Variants in CDC42BPB observed in about 807,000 individuals in gnomAD.
The protein encoded by CDC42BPB is serine/threonine-protein kinase MRCK beta.
In CDC42BPB, 37 loss-of-function variants were observed where a neutral mutation model predicts 214.9. The ratio of observed to expected loss-of-function variants is 0.17; its 90% confidence interval spans 0.13 to 0.23. CDC42BPB has a LOEUF of 0.23. CDC42BPB is among the 10% of genes least tolerant of loss of function. CDC42BPB has a pLI of 1.00. For missense variants in CDC42BPB, 1,694 were observed against 2,227.0 expected, an observed-to-expected ratio of 0.76 and a Z score of 4.82; for synonymous variants, 931 against 884.0, an observed-to-expected ratio of 1.05 and a Z score of -0.94.
At chr14:103,036,613 A>T (rs1458192439) in intron 1 of CDC42BPB, among the ~76,000 whole-genome samples, 5 of 152,044 alleles carry the variant, frequency 3.3e-5, no homozygotes, top group South Asian at 2.1e-4. Flanking sequence ...AAAAAATAAT[A>T]AAAAAAATGA....
intron 20 of CDC42BPB, among the ~76,000 whole-genome samples, chr14:102,960,090 C>T (rs1251216062): frequency 6.6e-6 from 1 of 151,926 alleles, no homozygotes; most frequent in Admixed American, 6.6e-5. Context: ...GCCTGAAATC[C>T]CAGCTACTCG....
chr14:102,938,877 T>C (rs1011078313), intron 34 of CDC42BPB, among the ~76,000 whole-genome samples: 3 of 151,774 alleles, frequency 2.0e-5, no homozygotes, highest in Non-Finnish European at 4.4e-5. Context: ...ATCCACTCAC[T>C]GTGGCCTCCC....
At chr14:102,985,568 C>T (rs1464140000) in intron 6 of CDC42BPB, among the ~76,000 whole-genome samples, 1 of 152,226 alleles carries the variant, frequency 6.6e-6, no homozygotes, top group African/African-American at 2.4e-5. Context: ...CTATTAAAAA[C>T]AAGAGACTGG....
intron 5 of CDC42BPB, among the ~76,000 whole-genome samples, chr14:102,990,564 T>C (rs779208236): frequency 2.2e-4 from 33 of 152,142 alleles, no homozygotes; most frequent in Non-Finnish European, 4.0e-4. Flanking sequence ...GACGTGTGTG[T>C]CCATGAGTGT....
chr14:103,056,772 G>A (rs1030058082), intron 1 of CDC42BPB, among the ~76,000 whole-genome samples: 4 of 152,278 alleles, frequency 2.6e-5, no homozygotes, highest in East Asian at 1.9e-4. Context: ...GGGAGGGCAA[G>A]GAGGGATGAA....
rs771034761 is a variant in CDC42BPB at position 102,976,011 on chromosome 14, T to C, written c.1259A>G (p.Gln420Arg). ...CTCATCTTTGGTTAATGTGTTGGAC[T>C]GCATTATGCTCTTCAGAGAGCCTCG... ...SDRGSLKSIM[Q>R]SNTLTKDEDV... is the part of the protein sequence containing the mutation. Residue 420 changes from glutamine to arginine, a missense_variant, in exon 10 of 37, where the codon CAG becomes CGG. Gln to Arg is a conservative substitution (Grantham distance 43). Coordinates refer to ENST00000361246, the MANE Select transcript of CDC42BPB (RefSeq NM_006035.4). 2.5e-6 allele frequency: 4 copies of C among 1,614,262 alleles called. No homozygotes were observed. Among genetic ancestry groups the C allele is most frequent in the Non-Finnish European group, 3.4e-6 (4 of 1,180,046 alleles).
intron 5 of CDC42BPB, among the ~76,000 whole-genome samples, chr14:102,993,328 G>A (rs1201868471): frequency 6.6e-6 from 1 of 152,168 alleles, no homozygotes; most frequent in Non-Finnish European, 1.5e-5. Flanking sequence ...TCTGAAGGCT[G>A]TGTGCACAGG....
chr14:103,041,402 G>T, intron 1 of CDC42BPB: 2 of 611,522 alleles, frequency 3.3e-6, no homozygotes, highest in South Asian at 4.6e-5. Flanking sequence ...TGTTAGATAT[G>T]ACAGCAAAAA....
chr14:103,051,154 C>CGGGGG (rs1179516926), intron 1 of CDC42BPB, among the ~76,000 whole-genome samples: 17 of 6,840 alleles, frequency 2.5e-3, no homozygotes, highest in African/African-American at 5.6e-3. Flanking sequence ...GTATTTGGGG[C>CGGGGG]GGGGGGGCGG....
At chr14:102,953,023 C>T (rs1892556826) in intron 23 of CDC42BPB, among the ~76,000 whole-genome samples, 1 of 152,230 alleles carries the variant, frequency 6.6e-6, no homozygotes, top group African/African-American at 2.4e-5. Flanking sequence ...CCAAGAATCA[C>T]CGACAGGAGG....
Position 103,008,550 on chromosome 14 carries a change from A to G in CDC42BPB, c.273T>C (p.Ala91=). Residue 91 remains alanine (A), a synonymous_variant, in exon 3 of 37, where the codon GCT becomes GCC. Transcript: ENST00000361246. The stretch of plus-strand genomic sequence containing the variant: ...GTTCAGTATTCTTCATTTTGACAAC[A>G]GCAACCTGCAGTGCAAATGTGAGTT... ...VIGRGAFGEV[A]VVKMKNTERI... The G allele has an allele frequency of 6.2e-7, 1 of 1,608,222 alleles. No homozygotes were observed. The highest frequency in any genetic ancestry group is 1.1e-5 in the South Asian group (1 of 90,938).
intron 1 of CDC42BPB, among the ~76,000 whole-genome samples, chr14:103,025,914 T>A (rs1346494190): frequency 6.6e-6 from 1 of 151,798 alleles, no homozygotes; most frequent in African/African-American, 2.4e-5. Context: ...AGGATTCCAT[T>A]ACATGAGACT....
rs914829695 is a variant in CDC42BPB, at chr14:102,957,252, G to T, written c.2901+2379C>A. On this transcript the variant is annotated intron_variant, in intron 21 of 36. Transcript: ENST00000361246. ...AGGGATGAGGGATTAGCAAGGGCAGGCGTGCTGGCTGTAGAGAATGAGGCA... is the reference window on the plus strand; with the variant it reads ...AGGGATGAGGGATTAGCAAGGGCAGTCGTGCTGGCTGTAGAGAATGAGGCA... 8.6e-5 allele frequency among the ~76,000 whole-genome samples: 13 copies of T among 151,398 alleles called. No homozygotes were observed. In the South Asian group the frequency reaches 1.5e-3, roughly 17 times the overall value.
At chr14:102,996,994 C>A (rs1171169141) in intron 5 of CDC42BPB, among the ~76,000 whole-genome samples, 2 of 152,134 alleles carry the variant, frequency 1.3e-5, no homozygotes, top group Non-Finnish European at 2.9e-5. Flanking sequence ...AGCAATGAGG[C>A]TAAGGAAAGG....
chr14:103,007,276 G>A (rs1029668930), intron 3 of CDC42BPB, among the ~76,000 whole-genome samples: 3 of 152,206 alleles, frequency 2.0e-5, no homozygotes, highest in South Asian at 4.1e-4. Flanking sequence ...CCATAGCAGG[G>A]AAAGGGGAAA....
chr14:102,947,786 C>T lies in CDC42BPB; in HGVS notation c.3466G>A (p.Val1156Met). The change falls in exon 27 of 37, where the codon GTG becomes ATG. Residue 1156 changes from valine (V) to methionine (M), a missense_variant. This residue lies in a region of CDC42BPB where 567 missense variants were observed against 790.3 expected (regional missense o/e 0.72). Transcript: ENST00000361246. Reference sequence around the variant, plus strand: ...ACATCTGAGGCCAGGACTGAGCTCACGGAAAACTCGTCATCTCTGGTAAGG... The same window carrying T: ...ACATCTGAGGCCAGGACTGAGCTCATGGAAAACTCGTCATCTCTGGTAAGG... ...VLDLRDDEFSVSSVLASDVIH... is the reference protein window; with the variant it reads ...VLDLRDDEFSMSSVLASDVIH... 4 of 1,612,518 alleles carry T rather than the reference C, an allele frequency of 2.5e-6. No homozygotes were observed. The highest frequency in any genetic ancestry group is 2.2e-5 in the East Asian group (1 of 44,850).
intron 9 of CDC42BPB, among the ~76,000 whole-genome samples, chr14:102,977,339 CAAAAAAAAAA>C (rs56368090): frequency 1.2e-4 from 10 of 85,110 alleles, no homozygotes; most frequent in African/African-American, 3.4e-4. Flanking sequence ...ACTCCGTCTC[CAAAAAAAAAA>C]AAAAAAAAAA....
At chr14:102,954,853 C>G (rs577613859) in intron 21 of CDC42BPB, 165 bp from the exon 22 acceptor site, 1 of 982,074 alleles carries the variant, frequency 1.0e-6, no homozygotes, top group African/African-American at 1.7e-5. Flanking sequence ...TCACAGACCC[C>G]TGCTCCACTC....
chr14:103,018,087 T>C (rs552561929), intron 1 of CDC42BPB, among the ~76,000 whole-genome samples: 3 of 152,290 alleles, frequency 2.0e-5, no homozygotes, highest in South Asian at 2.1e-4. Context: ...TGGACTCTCA[T>C]AAGCAGCATG....
Sources: gnomAD v4.1 joint callset for allele counts (sites outside exome capture counted in the v4.1 genomes callset) on GRCh38, gnomAD v4.1.1 for gene constraint, gnomAD v4.1.1 regional missense constraint, MANE v1.5 for transcripts, NCBI Gene and HGNC (gene_info 2026-07-23, HGNC 2026-07-21) for gene names.